Variants in CUX1 observed in about 807,000 individuals in gnomAD.
The protein encoded by CUX1 is protein CASP.
CUX1 carries 31 observed loss-of-function variants against 158.8 expected under a neutral mutation model. That is an observed-to-expected ratio of 0.20 (90% CI 0.15 to 0.26). The LOEUF is 0.26. Ranked by LOEUF, CUX1 falls within the 10% of genes least tolerant of loss-of-function variation. The pLI is 1.00. For missense variants in CUX1, 1,589 were observed against 2,014.6 expected (o/e 0.79, Z 4.04); for synonymous variants, 879 against 862.1 (o/e 1.02, Z -0.34).
chr7:102,050,117 G>T (rs1020876660), intron 3 of CUX1, among the ~76,000 whole-genome samples: 1 of 152,236 alleles, frequency 6.6e-6, no homozygotes. Flanking sequence ...TTAAAGGAGC[G>T]GAGAAAACCA....
chr7:102,127,724 T>C (rs1832799262), intron 8 of CUX1, among the ~76,000 whole-genome samples: 1 of 152,246 alleles, frequency 6.6e-6, no homozygotes, highest in African/African-American at 2.4e-5. Flanking sequence ...AGGAGCCTGA[T>C]TTATTACACT....
chr7:101,888,679 T>C (rs1800521742), intron 1 of CUX1, among the ~76,000 whole-genome samples: 1 of 152,098 alleles, frequency 6.6e-6, no homozygotes, highest in Admixed American at 6.5e-5. Context: ...AGCCCCTGCC[T>C]CCTGGGTTCA....
At chr7:102,218,377 T>G (rs1284093861) in intron 20 of CUX1, among the ~76,000 whole-genome samples, 11 of 152,156 alleles carry the variant, frequency 7.2e-5, no homozygotes, top group Admixed American at 7.2e-4. Context: ...ACAACCTTGC[T>G]CTAATTGAAA....
Position 102,097,450 on chromosome 7 carries a change from A to T in CUX1, c.355A>T (p.Arg119Trp). The part of the protein sequence containing the change: ...HDIETENQKL[R>W]ETLEEYNKEF... ...TATTGAAACAGAGAACCAGAAACTT[A>T]GGGAAACTCTGGAAGAATACAACAA... Residue 119 changes from arginine to tryptophan, a missense_variant, in exon 5 of 24, where the codon AGG (arginine) becomes TGG (tryptophan). Physicochemically the swap from Arg to Trp is moderately radical, Grantham distance 101. Around this residue, in one of 8 missense-constraint regions of CUX1, gnomAD observed 515 missense variants for 574.4 expected, o/e 0.90. Transcript: ENST00000292535. The T allele has an allele frequency of 6.2e-7, 1 of 1,613,624 alleles. No homozygotes were observed. The highest frequency in any genetic ancestry group is 8.5e-7 in the Non-Finnish European group (1 of 1,179,914).
At chr7:102,113,212 C>T (rs1016537966) in intron 7 of CUX1, among the ~76,000 whole-genome samples, 1 of 152,104 alleles carries the variant, frequency 6.6e-6, no homozygotes, top group Admixed American at 6.5e-5. Context: ...ACTGTTTTGC[C>T]TGTCAGACTG....
rs1798471529 is a variant in CUX1 at position 102,227,568 on chromosome 7, A to G, written c.3332A>G (p.His1111Arg). Residue 1111 changes from histidine to arginine, a missense_variant, in exon 21 of 24, where the codon CAC (histidine) becomes CGC (arginine). His to Arg is a conservative substitution (Grantham distance 29). Coordinates refer to ENST00000292535, the MANE Select transcript of CUX1 (RefSeq NM_181552.4). ...ACAACCCCGCTGCCTCTCTCCGGACACTCGGCCCTCAGCATCCAAGAATTA... is the reference window on the plus strand; with the variant it reads ...ACAACCCCGCTGCCTCTCTCCGGACGCTCGGCCCTCAGCATCCAAGAATTA... ...QPTTPLPLSGHSALSIQELVA... is the reference protein window; with the variant it reads ...QPTTPLPLSGRSALSIQELVA... 6.2e-7 allele frequency: 1 copy of G among 1,614,006 alleles called. No homozygotes were observed. Among genetic ancestry groups the G allele is most frequent in the African/African-American group, 1.3e-5 (1 of 74,904 alleles).
In CUX1 at chr7:102,254,881, G is replaced by A; in HGVS notation, c.*5839G>A. 1 of 985,468 alleles carries A rather than the reference G, an allele frequency of 1.0e-6. No individual in the cohort carries two copies. The highest frequency in any genetic ancestry group is 1.2e-6 in the Non-Finnish European group (1 of 829,950). The allele number at this position is 985,468 out of a possible 1,614,324, so 61.0% of individuals were successfully genotyped here. A position where few individuals can be genotyped will look rare whatever the true frequency, so the allele number is the denominator to read the frequency against. ...ATGATCTTATTTCTATTTCGATCAG[G>A]TTTTGACTTTTTGTAGATGAAAACT... On this transcript the variant is annotated 3_prime_UTR_variant, in exon 24 of 24. Transcript: ENST00000292535.
intron 3 of CUX1, among the ~76,000 whole-genome samples, chr7:102,030,932 G>C (rs987940886): frequency 2.0e-5 from 3 of 151,912 alleles, no homozygotes; most frequent in Non-Finnish European, 4.4e-5. Context: ...GACATCCCGG[G>C]CTCAAGCCAT....
intron 4 of CUX1, among the ~76,000 whole-genome samples, chr7:102,084,015 A>G (rs2130775890): frequency 6.9e-6 from 1 of 145,610 alleles, no homozygotes; most frequent in Middle Eastern, 3.5e-3. Context: ...CCTCCCAAAT[A>G]GCTGGGACTA....
intron 11 of CUX1, chr7:102,188,885 C>T (rs1793952553): frequency 6.6e-6 from 1 of 151,716 alleles, no homozygotes; most frequent in African/African-American, 2.4e-5. Flanking sequence ...CCCCAGTGAG[C>T]TCACAGACCT....
chr7:101,924,710 C>G (rs1278036165), intron 2 of CUX1, among the ~76,000 whole-genome samples: 1 of 151,934 alleles, frequency 6.6e-6, no homozygotes. Context: ...GGACTACAGG[C>G]GTGCACCACC....
chr7:102,087,239 C>G (rs1828040075), intron 4 of CUX1, among the ~76,000 whole-genome samples: 1 of 151,792 alleles, frequency 6.6e-6, no homozygotes, highest in Non-Finnish European at 1.5e-5. Context: ...TTTTATCTCC[C>G]CAATTATCTT....
intron 3 of CUX1, among the ~76,000 whole-genome samples, chr7:102,056,236 G>A (rs10249739): frequency 0.15 from 22,232 of 152,170 alleles, 1,707 homozygotes; most frequent in Middle Eastern, 0.22. Context: ...AGATGATGGC[G>A]CTACACAACA....
intron 2 of CUX1, among the ~76,000 whole-genome samples, chr7:102,012,251 G>A (rs977407484): frequency 4.1e-4 from 62 of 152,092 alleles, no homozygotes; most frequent in East Asian, 1.9e-4. Flanking sequence ...ACAGTGGTGC[G>A]ATCTCGGCTC....
At chr7:101,904,117 A>C (rs867345964) in intron 1 of CUX1, among the ~76,000 whole-genome samples, 39 of 143,860 alleles carry the variant, frequency 2.7e-4, no homozygotes, top group African/African-American at 9.8e-4. Flanking sequence ...GTCTTTACAA[A>C]ACACACACAC....
chr7:102,276,072 C>T (rs1167698039), intron 17 of CUX1, among the ~76,000 whole-genome samples: 3 of 151,668 alleles, frequency 2.0e-5, no homozygotes, highest in Admixed American at 2.0e-4. Flanking sequence ...GCATATAGAC[C>T]ACATTTTGTT....
chr7:101,834,637 C>T (rs535046301), intron 1 of CUX1, among the ~76,000 whole-genome samples: 2 of 152,214 alleles, frequency 1.3e-5, no homozygotes, highest in South Asian at 4.1e-4. Context: ...GTGCAGAGAG[C>T]AGTTCTTTTG....
At chr7:101,855,803 G>A (rs574932198) in intron 1 of CUX1, among the ~76,000 whole-genome samples, 14 of 150,618 alleles carry the variant, frequency 9.3e-5, no homozygotes, top group African/African-American at 2.4e-4. Flanking sequence ...GCTTGAACCC[G>A]AGAGGCGGAG....
intron 2 of CUX1, among the ~76,000 whole-genome samples, chr7:101,941,820 A>G (rs1443893355): frequency 6.6e-6 from 1 of 152,206 alleles, no homozygotes; most frequent in Non-Finnish European, 1.5e-5. Context: ...ACGGGTTATG[A>G]GGGGCATTTT....
Sources: allele counts gnomAD v4.1 joint callset (sites outside exome capture counted in the v4.1 genomes callset), GRCh38; gene constraint gnomAD v4.1.1; regional missense constraint gnomAD v4.1.1; transcripts MANE v1.5; gene names NCBI Gene and HGNC (gene_info 2026-07-23, HGNC 2026-07-21).